The following CCDC170 variants were observed in gnomAD, a reference collection of about 807,000 sequenced individuals.
The protein encoded by CCDC170 is coiled-coil domain-containing protein 170.
CCDC170 carries 69 observed loss-of-function variants against 72.6 expected under a neutral mutation model. The ratio of observed to expected loss-of-function variants is 0.95; its 90% CI spans 0.78 to 1.16. The LOEUF is 1.16. CCDC170 is among the 50% of genes most tolerant of loss of function. CCDC170 has a pLI of 0.00. For synonymous variants in CCDC170, 300 were observed against 303.9 expected (o/e 0.99, Z 0.13); for missense variants, 852 against 832.5 (o/e 1.02, Z -0.29).
chr6:151,583,693 G>A (rs1272687119), intron 6 of CCDC170, among the ~76,000 whole-genome samples: 1 of 150,984 alleles, frequency 6.6e-6, no homozygotes, highest in Non-Finnish European at 1.5e-5. Context: ...CCTGACTTCA[G>A]GTGATCCACC....
intron 3 of CCDC170, among the ~76,000 whole-genome samples, chr6:151,539,800 A>G (rs1782654413): frequency 6.6e-6 from 1 of 152,218 alleles, no homozygotes; most frequent in Non-Finnish European, 1.5e-5. Flanking sequence ...CGGAGCTCCC[A>G]GTGTTCCCAC....
intron 1 of CCDC170, among the ~76,000 whole-genome samples, chr6:151,525,081 C>T (rs185174646): frequency 1.3e-3 from 193 of 152,032 alleles, no homozygotes; most frequent in African/African-American, 4.0e-3. Flanking sequence ...TATAGGTGCC[C>T]GCCACTGCAC....
At chr6:151,568,931 A>G (rs1312930501) in intron 5 of CCDC170, among the ~76,000 whole-genome samples, 1 of 152,196 alleles carries the variant, frequency 6.6e-6, no homozygotes, top group Non-Finnish European at 1.5e-5. Context: ...TATCTTATAG[A>G]TATATCCTCA....
At chr6:151,549,314 G>T (rs968380080) in intron 5 of CCDC170, among the ~76,000 whole-genome samples, 1 of 152,004 alleles carries the variant, frequency 6.6e-6, no homozygotes. Context: ...GGAATTACAG[G>T]TGTGAGCCAC....
chr6:151,523,843 C>A (rs1046101430), intron 1 of CCDC170, among the ~76,000 whole-genome samples: 2 of 152,184 alleles, frequency 1.3e-5, no homozygotes, highest in African/African-American at 4.8e-5. Flanking sequence ...ATTGCAAACA[C>A]TGCTGTGTTA....
At chr6:151,499,585 TGTATAAGTGGAATCAGACC>T in intron 1 of CCDC170, among the ~76,000 whole-genome samples, 1 of 134,138 alleles carries the variant, frequency 7.5e-6, no homozygotes, top group African/African-American at 3.1e-5. Context: ...CTAGGCACGC[TGTATAAGTGGAATCAGACC>T]GTATTTGACT....
intron 9 of CCDC170, among the ~76,000 whole-genome samples, chr6:151,613,678 T>G (rs1180415835): frequency 6.6e-6 from 1 of 152,228 alleles, no homozygotes; most frequent in African/African-American, 2.4e-5. Flanking sequence ...TACTCTATTC[T>G]TTTTTACTGC....
At chr6:151,544,896 A>T (rs763958971) in intron 4 of CCDC170, among the ~76,000 whole-genome samples, 180 bp downstream of exon 4, 1 of 152,174 alleles carries the variant, frequency 6.6e-6, no homozygotes, top group Non-Finnish European at 1.5e-5. Context: ...CTCAATTCCA[A>T]GATCTTTTCT....
In CCDC170 at chr6:151,544,691, C is replaced by T; in HGVS notation, c.563C>T (p.Ala188Val). 3 of 1,612,122 alleles carry T rather than the reference C, an allele frequency of 1.9e-6. No individual in the cohort carries two copies. Among genetic ancestry groups the T allele is most frequent in the Non-Finnish European group, 2.5e-6 (3 of 1,178,478 alleles). The part of the protein sequence containing the change: ...CLDPDERNDK[A>V]SDEDLILKLR... ...GATCCAGATGAGAGGAATGACAAGG[C>T]ATCAGATGAAGATTTAATTTTAAAG... is the stretch of plus-strand genomic sequence containing the variant. The change falls in exon 4 of 11, where the codon GCA (alanine) becomes GTA (valine). Residue 188 changes from alanine to valine, a missense_variant. Transcript: ENST00000239374.
chr6:151,581,240 G>A (rs1015454784), intron 6 of CCDC170, among the ~76,000 whole-genome samples: 4 of 152,174 alleles, frequency 2.6e-5, no homozygotes, highest in Non-Finnish European at 5.9e-5. Flanking sequence ...ACCAACAGCA[G>A]AACTTCTTTC....
At chr6:151,505,564 G>A (rs57868859) in intron 1 of CCDC170, among the ~76,000 whole-genome samples, 1 of 152,020 alleles carries the variant, frequency 6.6e-6, no homozygotes, top group African/African-American at 2.4e-5. Context: ...GGTGCCTGCA[G>A]CCCCAGCTAC....
chr6:151,533,054 T>G (rs1177018539), intron 1 of CCDC170, among the ~76,000 whole-genome samples: 1 of 24,814 alleles, frequency 4.0e-5, no homozygotes, highest in African/African-American at 2.4e-4. Context: ...CTATTTCTCT[T>G]TTTTTTTTTT....
intron 3 of CCDC170, among the ~76,000 whole-genome samples, chr6:151,541,231 CTAAAA>C (rs1271700030): frequency 6.6e-6 from 1 of 152,136 alleles, no homozygotes; most frequent in Non-Finnish European, 1.5e-5. Context: ...AATAACATAT[CTAAAA>C]ATTTACTCCT....
At chr6:151,548,838 G>A (rs910544467) in intron 5 of CCDC170, among the ~76,000 whole-genome samples, 11 of 151,852 alleles carry the variant, frequency 7.2e-5, no homozygotes, top group Non-Finnish European at 8.8e-5. Context: ...TCCTGCCTCA[G>A]CCACCCAAGT....
At chr6:151,546,067 C>A (rs906648660) in intron 4 of CCDC170, among the ~76,000 whole-genome samples, 2 of 152,138 alleles carry the variant, frequency 1.3e-5, no homozygotes, top group Non-Finnish European at 2.9e-5. Context: ...CGTGAGCCAT[C>A]ACGTCTGGCC....
At chr6:151,603,346 T>C (rs1440383057) in intron 9 of CCDC170, among the ~76,000 whole-genome samples, 1 of 152,242 alleles carries the variant, frequency 6.6e-6, no homozygotes, top group Non-Finnish European at 1.5e-5. Flanking sequence ...ATACTGCAGA[T>C]ACTTTATTTG....
chr6:151,535,963 C>G (rs6904382), intron 1 of CCDC170, among the ~76,000 whole-genome samples: 15,343 of 152,084 alleles, frequency 0.1, 2,483 homozygotes, highest in African/African-American at 0.34. Flanking sequence ...CTGTCTCTAT[C>G]TGGTCAGGCT....
Position 151,494,183 on chromosome 6 carries a change from G to A in CCDC170, c.55G>A (p.Glu19Lys), listed in dbSNP as rs1040390516. 163 of 1,513,804 alleles carry A rather than the reference G, an allele frequency of 1.1e-4. No individual in the cohort carries two copies. The highest frequency in any genetic ancestry group is 1.2e-4 in the Non-Finnish European group (141 of 1,134,684). 93.8% of individuals were successfully genotyped at this position (1,513,804 alleles called of 1,614,324 possible). Reference protein sequence around the residue: ...IALGAASPAPEETYDHLSEVP... With the variant: ...IALGAASPAPKETYDHLSEVP... The stretch of plus-strand genomic sequence containing the variant: ...GCTGGGTGCCGCTTCGCCAGCGCCC[G>A]AGGTACGGTCCCAGCCGCCGGCCGC... Residue 19 changes from glutamate (E) to lysine (K), a missense_variant and splice_region_variant, in exon 1 of 11, where the codon GAG (glutamate) becomes AAG (lysine). By Grantham distance (56) the Glu-to-Lys change is moderately conservative. Transcript: ENST00000239374.
At chr6:151,545,149 G>A (rs1782752053) in intron 4 of CCDC170, among the ~76,000 whole-genome samples, 1 of 152,200 alleles carries the variant, frequency 6.6e-6, no homozygotes, top group South Asian at 2.1e-4. Flanking sequence ...GCTGGGCGCG[G>A]TGACTCACGC....
Sources: allele counts gnomAD v4.1 joint callset (sites outside exome capture counted in the v4.1 genomes callset), GRCh38; gene constraint gnomAD v4.1.1; transcripts MANE v1.5; gene names NCBI Gene and HGNC (gene_info 2026-07-23, HGNC 2026-07-21).